Variants in CHST1 observed in about 807,000 individuals in gnomAD.
The protein encoded by CHST1 is carbohydrate sulfotransferase 1.
Under a neutral mutation model 22.5 loss-of-function variants are expected in CHST1, and 10 were observed. The observed-to-expected ratio is 0.44, with a 90% CI of 0.27 to 0.75. CHST1 has a LOEUF of 0.75. Ranked by LOEUF, CHST1 falls within the 30% of genes least tolerant of loss-of-function variation. CHST1 has a pLI of 0.15. For missense variants in CHST1, 439 were observed against 576.1 expected (o/e 0.76, Z 2.44); for synonymous variants, 267 against 264.5 (o/e 1.01, Z -0.09).
chr11:45,662,357 C>T (rs1852145418), intron 1 of CHST1, among the ~76,000 whole-genome samples: 1 of 152,220 alleles, frequency 6.6e-6, no homozygotes, highest in African/African-American at 2.4e-5. Context: ...CACAAGGCTC[C>T]TAGACAGGTA....
chr11:45,649,697 G>C lies in CHST1; in HGVS notation c.1227C>G (p.Pro409=). 1 of 1,566,402 alleles carries C rather than the reference G, an allele frequency of 6.4e-7. No homozygotes were observed. The highest frequency in any genetic ancestry group is 2.3e-5 in the East Asian group (1 of 44,354). ...ACCCGCACCGCCCGGGTCACGAGAA[G>C]GGGCGGAAGTCCCGCTCCTCCACCA... is the stretch of plus-strand genomic sequence containing the variant. ...VSLVEERDFR[P]FS Residue 409 remains proline, a synonymous_variant, in exon 4 of 4, where the codon CCC becomes CCG. Coordinates refer to ENST00000308064, the MANE Select transcript of CHST1 (RefSeq NM_003654.6).
At chr11:45,658,476 G>A (rs1186619305) in intron 1 of CHST1, among the ~76,000 whole-genome samples, 1 of 152,222 alleles carries the variant, frequency 6.6e-6, no homozygotes, top group African/African-American at 2.4e-5. Context: ...AGCAGCCTGC[G>A]TGGTTGGAGA....
At chr11:45,663,894 G>A (rs1367799664) in intron 1 of CHST1, among the ~76,000 whole-genome samples, 1 of 152,206 alleles carries the variant, frequency 6.6e-6, no homozygotes, top group Non-Finnish European at 1.5e-5. Context: ...CCTGGTGAAT[G>A]TGATGTGTGA....
chr11:45,656,008 G>A (rs1221851058), intron 1 of CHST1, among the ~76,000 whole-genome samples: 5 of 152,192 alleles, frequency 3.3e-5, no homozygotes, highest in South Asian at 2.1e-4. Context: ...CCCCCACCTC[G>A]GCCTGATCTG....
intron 1 of CHST1, among the ~76,000 whole-genome samples, chr11:45,661,234 C>T (rs769382108): frequency 1.4e-4 from 22 of 152,170 alleles, no homozygotes; most frequent in Admixed American, 3.9e-4. Context: ...CCAAGGGCCC[C>T]GGGTGGAGAA....
chr11:45,659,224 A>G (rs1852100004), intron 1 of CHST1, among the ~76,000 whole-genome samples: 1 of 152,166 alleles, frequency 6.6e-6, no homozygotes, highest in Non-Finnish European at 1.5e-5. Flanking sequence ...AACTTGTTCA[A>G]GCACGCACAG....
chr11:45,650,091 T>C lies in CHST1; in HGVS notation c.833A>G (p.Asp278Gly). Residue 278 changes from aspartate to glycine, a missense_variant, in exon 4 of 4, where the codon GAC (aspartate) becomes GGC (glycine). Physicochemically the swap from Asp to Gly is moderately conservative, Grantham distance 94. Coordinates refer to ENST00000308064, the MANE Select transcript of CHST1 (RefSeq NM_003654.6). ...GCCGGTGGACACGGAGTTGGAGAAG[T>C]CCTCGCACACCGTGGTCAGCTGCGT... ...DVTQLTTVCE[D>G]FSNSVSTGLM... The C allele has an allele frequency of 6.2e-7, 1 of 1,613,874 alleles. No individual in the cohort carries two copies. Among genetic ancestry groups the C allele is most frequent in the Non-Finnish European group, 8.5e-7 (1 of 1,179,978 alleles).
At chr11:45,663,922 A>G (rs2120351750) in intron 1 of CHST1, among the ~76,000 whole-genome samples, 1 of 152,296 alleles carries the variant, frequency 6.6e-6, no homozygotes, top group South Asian at 2.1e-4. Context: ...CGATGAAAGC[A>G]CTTTGAAAAA....
intron 1 of CHST1, among the ~76,000 whole-genome samples, chr11:45,655,757 C>A (rs148717464): frequency 6.6e-6 from 1 of 152,228 alleles, no homozygotes; most frequent in African/African-American, 2.4e-5. Flanking sequence ...ACATGGCCTC[C>A]GGATGGGTGA....
chr11:45,663,245 T>C (rs1241384746), intron 1 of CHST1, among the ~76,000 whole-genome samples: 1 of 152,144 alleles, frequency 6.6e-6, no homozygotes, highest in African/African-American at 2.4e-5. Flanking sequence ...GAGCCCCTCC[T>C]GCAGACTCAG....
chr11:45,653,097 G>A (rs376335980), intron 1 of CHST1, among the ~76,000 whole-genome samples: 5 of 152,182 alleles, frequency 3.3e-5, no homozygotes, highest in Non-Finnish European at 7.3e-5. Flanking sequence ...GTGAACTCAC[G>A]TGCTTTGTGA....
At position 45,650,562 on chromosome 11, in the gene CHST1, CGG is replaced by C. The variant is rs1851981908; in HGVS notation, c.360_361del (p.Ser120ArgfsTer308). 1 of 1,613,736 alleles carries C rather than the reference CGG, an allele frequency of 6.2e-7. No homozygotes were observed. The highest frequency in any genetic ancestry group is 8.5e-7 in the Non-Finnish European group (1 of 1,179,992). The stretch of plus-strand genomic sequence containing the variant: ...GTCGTAGAGGCTCCGCAGGAGGTCG[CGG>C]CTGGCGCCTAGCATGACCCGCCGGT... On this transcript the variant is annotated frameshift_variant, in exon 4 of 4. Transcript: ENST00000308064. LOFTEE classifies it high-confidence loss of function.
chr11:45,653,413 C>G (rs990222931), intron 1 of CHST1, among the ~76,000 whole-genome samples: 3 of 152,200 alleles, frequency 2.0e-5, no homozygotes, highest in African/African-American at 4.8e-5. Flanking sequence ...AGAAAAACCA[C>G]AATCCCAACC....
chr11:45,649,735 G>A lies in CHST1; in HGVS notation c.1189C>T (p.Pro397Ser), dbSNP rs1460581699. 1.1e-5 allele frequency: 18 copies of A among 1,605,900 alleles called. No individual in the cohort carries two copies. Among genetic ancestry groups the A allele is most frequent in the Non-Finnish European group, 1.7e-6 (2 of 1,177,418 alleles). ...CGCTCCTCCACCAGGCTGACCGAGG[G>A]GTTCTTCAGCTCCTCCTCCGAGGCG... Reference protein sequence around the residue: ...IAASEEELKNPSVSLVEERDF... With the variant: ...IAASEEELKNSSVSLVEERDF... The change falls in exon 4 of 4, where the codon CCC becomes TCC. Residue 397 changes from proline to serine, a missense_variant. By Grantham distance (74) the Pro-to-Ser change is moderately conservative. Coordinates refer to ENST00000308064, the MANE Select transcript of CHST1 (RefSeq NM_003654.6).
At chr11:45,657,843 CG>C (rs1482997001) in intron 1 of CHST1, among the ~76,000 whole-genome samples, 1 of 152,150 alleles carries the variant, frequency 6.6e-6, no homozygotes, top group Non-Finnish European at 1.5e-5. Flanking sequence ...ATGGTACTTG[CG>C]AACAATCCCT....
rs1199723557 is a variant in CHST1 at position 45,650,054 on chromosome 11, G to C, written c.870C>G (p.Pro290=). The change falls in exon 4 of 4, where the codon CCC becomes CCG. Residue 290 remains proline (P), a synonymous_variant. Coordinates refer to ENST00000308064, the MANE Select transcript of CHST1 (RefSeq NM_003654.6). The stretch of plus-strand genomic sequence containing the variant: ...ACATGTACTTGCCCTTGAGCCACGG[G>C]GGCCGCATGAGGCCGGTGGACACGG... ...SNSVSTGLMR[P]PWLKGKYMLV... 6.2e-7 allele frequency: 1 copy of C among 1,614,102 alleles called. No homozygotes were observed. The highest frequency in any genetic ancestry group is 2.2e-5 in the East Asian group (1 of 44,856).
chr11:45,651,348 C>A (rs893615028), intron 3 of CHST1: 3 of 159,728 alleles, frequency 1.9e-5, no homozygotes, highest in Non-Finnish European at 4.1e-5. Flanking sequence ...CTCCCACCCC[C>A]ACGAGCTGGC....
Position 45,650,795 on chromosome 11 carries a change from GGCCAGCCCGGCCTCT to G in CHST1, c.114_128del (p.Ala40_Glu44del), listed in dbSNP as rs1256571660. The G allele has an allele frequency of 1.9e-6, 3 of 1,613,294 alleles. No individual in the cohort carries two copies. The highest frequency in any genetic ancestry group is 1.1e-5 in the South Asian group (1 of 90,956). On this transcript the variant is annotated inframe_deletion, in exon 4 of 4. Coordinates refer to ENST00000308064, the MANE Select transcript of CHST1 (RefSeq NM_003654.6). ...TGGGGCTCTCCTCGCACAGTCGCTC[GGCCAGCCCGGCCTCT>G]GCCAGCCCGGGGCAGGTGTGAAAGG...
chr11:45,664,747 C>G (rs767515197), intron 1 of CHST1, among the ~76,000 whole-genome samples: 1 of 152,186 alleles, frequency 6.6e-6, no homozygotes, highest in African/African-American at 2.4e-5. Flanking sequence ...GGAGCGGCGC[C>G]CCCGCCTCCG....
Sources: allele counts gnomAD v4.1 joint callset (sites outside exome capture counted in the v4.1 genomes callset), GRCh38; gene constraint gnomAD v4.1.1; transcripts MANE v1.5; gene names NCBI Gene and HGNC (gene_info 2026-07-23, HGNC 2026-07-21).